PLD5: variants seen among roughly 807,000 people sequenced by gnomAD.
PLD5 encodes the protein phospholipase D family member 5.
PLD5 carries 36 observed loss-of-function variants against 61.1 expected under a neutral mutation model. That is an observed-to-expected ratio of 0.59 (90% confidence interval 0.45 to 0.78). The LOEUF is 0.78. PLD5 is among the 30% of genes least tolerant of loss of function. PLD5 has a pLI of 0.00. For missense variants in PLD5, 515 were observed against 644.4 expected, an observed-to-expected ratio of 0.80 and a Z score of 2.17; for synonymous variants, 243 against 242.8, an observed-to-expected ratio of 1.00 and a Z score of -0.01.
intron 4 of PLD5, among the ~76,000 whole-genome samples, chr1:242,259,946 T>C (rs1432835666): frequency 6.6e-6 from 1 of 152,180 alleles, no homozygotes; most frequent in African/African-American, 2.4e-5. Context: ...ATAAAAATTG[T>C]GTTAGTAATA....
chr1:242,297,402 ACTTTTTTTT>A lies in PLD5; in HGVS notation c.327-8881_327-8873del, dbSNP rs1675739714. On this transcript the variant is annotated intron_variant, in intron 2 of 9. Coordinates refer to ENST00000536534, the MANE Select transcript of PLD5 (RefSeq NM_001372062.1). The stretch of plus-strand genomic sequence containing the variant: ...CCCCCTTTTCCTATCACCCTTCAAG[ACTTTTTTTT>A]TTTTTTTTTTTTTAAGGCAGGGTCT... Among the ~76,000 whole-genome samples, 3 of 129,514 alleles carry A rather than the reference ACTTTTTTTT, an allele frequency of 2.3e-5. No homozygotes were observed. In the Middle Eastern group the frequency reaches 0.013, roughly 553 times the overall value. 85.0% of individuals were successfully genotyped at this position (129,514 alleles called of 152,430 possible).
At chr1:242,095,872 A>G (rs1660180712) in intron 9 of PLD5, among the ~76,000 whole-genome samples, 1 of 152,166 alleles carries the variant, frequency 6.6e-6, no homozygotes, top group Non-Finnish European at 1.5e-5. Context: ...ATTACTCTCC[A>G]TAAGTTGGTG....
intron 5 of PLD5, among the ~76,000 whole-genome samples, chr1:242,126,982 A>C (rs1662838501): frequency 7.2e-6 from 1 of 138,616 alleles, no homozygotes; most frequent in Admixed American, 6.8e-5. Context: ...CCCATAAAAA[A>C]GTAGGCTAAG....
At chr1:242,428,990 C>T (rs1157587094) in intron 1 of PLD5, among the ~76,000 whole-genome samples, 4 of 152,220 alleles carry the variant, frequency 2.6e-5, no homozygotes, top group Admixed American at 2.0e-4. Flanking sequence ...CCGTCCATCT[C>T]CTCTAAAGAT....
At chr1:242,487,079 G>C (rs1333653547) in intron 1 of PLD5, among the ~76,000 whole-genome samples, 1 of 151,352 alleles carries the variant, frequency 6.6e-6, no homozygotes, top group African/African-American at 2.4e-5. Context: ...CAGCAGGGGG[G>C]AGGGATAGCA....
chr1:242,225,521 G>A (rs1670884545), intron 4 of PLD5, among the ~76,000 whole-genome samples: 1 of 142,528 alleles, frequency 7.0e-6, no homozygotes, highest in African/African-American at 2.7e-5. Flanking sequence ...GTGGAACAGT[G>A]GTTTCTCTTT....
At chr1:242,176,223 G>A (rs901240497) in intron 5 of PLD5, among the ~76,000 whole-genome samples, 5 of 152,104 alleles carry the variant, frequency 3.3e-5, no homozygotes, top group Non-Finnish European at 7.4e-5. Context: ...GCATGGTACT[G>A]GTACCAAAAC....
In PLD5 at chr1:242,124,130, G is replaced by A. The variant is rs149338756; in HGVS notation, c.933+338C>T. On this transcript the variant is annotated intron_variant, in intron 6 of 9. Coordinates refer to ENST00000536534, the MANE Select transcript of PLD5 (RefSeq NM_001372062.1). Reference sequence around the variant, plus strand: ...GTCAGAAGAGCTGGGTGCTGGCTCCGCTCTTAGCATGTCCCATCGGATGGG... The same window carrying A: ...GTCAGAAGAGCTGGGTGCTGGCTCCACTCTTAGCATGTCCCATCGGATGGG... Among the ~76,000 whole-genome samples the A allele has an allele frequency of 7.2e-5, 11 of 152,298 alleles. No homozygotes were observed. In the East Asian group the frequency reaches 7.7e-4, roughly 11 times the overall value.
chr1:242,524,128 C>T lies in PLD5; in HGVS notation c.149G>A (p.Ser50Asn). 2 of 1,535,456 alleles carry T rather than the reference C, an allele frequency of 1.3e-6. No homozygotes were observed. The highest frequency in any genetic ancestry group is 1.7e-6 in the Non-Finnish European group (2 of 1,146,510). Reference sequence around the variant, plus strand: ...TTTCCTCCGAAGCCAGACGCTGGCGCTGTAGTCCTGCTGCTTGACGCTGCT... The same window carrying T: ...TTTCCTCCGAAGCCAGACGCTGGCGTTGTAGTCCTGCTGCTTGACGCTGCT... ...FYSSVKQQDY[S>N]ASVWLRRKDK... Residue 50 changes from serine (S) to asparagine (N), a missense_variant, in exon 1 of 10, where the codon AGC becomes AAC. Physicochemically the swap from Ser to Asn is conservative, Grantham distance 46. Coordinates refer to ENST00000536534, the MANE Select transcript of PLD5 (RefSeq NM_001372062.1).
At chr1:242,395,569 G>A (rs1663522709) in intron 1 of PLD5, among the ~76,000 whole-genome samples, 1 of 152,128 alleles carries the variant, frequency 6.6e-6, no homozygotes, top group Admixed American at 6.6e-5. Flanking sequence ...ACTAACTATT[G>A]GAGATATTGC....
chr1:242,501,366 T>C (rs1330017260), intron 1 of PLD5, among the ~76,000 whole-genome samples: 1 of 152,208 alleles, frequency 6.6e-6, no homozygotes, highest in Non-Finnish European at 1.5e-5. Context: ...CAGGACACAC[T>C]TCTCCTCTGT....
At chr1:242,307,560 GT>G (rs1420335426) in intron 2 of PLD5, among the ~76,000 whole-genome samples, 1 of 152,128 alleles carries the variant, frequency 6.6e-6, no homozygotes, top group Non-Finnish European at 1.5e-5. Context: ...AGCAGAACCA[GT>G]TTTTAAATCT....
intron 1 of PLD5, among the ~76,000 whole-genome samples, chr1:242,471,331 A>T (rs980464632): frequency 4.6e-5 from 7 of 152,052 alleles, no homozygotes; most frequent in African/African-American, 1.7e-4. Flanking sequence ...TTCTCCTTCC[A>T]TTTTACAAGA....
intron 1 of PLD5, among the ~76,000 whole-genome samples, chr1:242,381,844 A>T (rs1662295837): frequency 6.6e-6 from 1 of 152,212 alleles, no homozygotes; most frequent in Non-Finnish European, 1.5e-5. Flanking sequence ...AAGGGTGCTT[A>T]AACTTTTCAG....
intron 5 of PLD5, among the ~76,000 whole-genome samples, chr1:242,129,978 C>A (rs113699691): frequency 6.6e-6 from 1 of 151,760 alleles, no homozygotes; most frequent in Non-Finnish European, 1.5e-5. Flanking sequence ...TGATTTCATT[C>A]TTTTTTGTGG....
chr1:242,395,007 A>ATGTATATG (rs1491577612), intron 1 of PLD5, among the ~76,000 whole-genome samples: 5 of 98,590 alleles, frequency 5.1e-5, no homozygotes, highest in Non-Finnish European at 8.0e-5. Flanking sequence ...GTATATATGA[A>ATGTATATG]TATATATGAA....
rs543445266 is a variant in PLD5, at chr1:242,279,115, G to A, written c.495+9247C>T. ...GGATAAATACGATGTGGGTCCTAGA[G>A]TCCAGGGCTATGTGGAATATCCAAG... On this transcript the variant is annotated intron_variant, in intron 3 of 9. Transcript: ENST00000536534. Among the ~76,000 whole-genome samples the A allele has an allele frequency of 3.9e-5, 6 of 152,350 alleles. No individual in the cohort carries two copies. In the South Asian group the frequency reaches 1.2e-3, roughly 32 times the overall value.
intron 4 of PLD5, among the ~76,000 whole-genome samples, chr1:242,264,913 G>A (rs1426925166): frequency 6.6e-6 from 1 of 152,148 alleles, no homozygotes; most frequent in African/African-American, 2.4e-5. Flanking sequence ...ATCAGGCAAT[G>A]TTTCATAGAC....
At chr1:242,187,775 G>A (rs1325559447) in intron 5 of PLD5, among the ~76,000 whole-genome samples, 1 of 152,106 alleles carries the variant, frequency 6.6e-6, no homozygotes, top group Non-Finnish European at 1.5e-5. Flanking sequence ...AGTATGAGAG[G>A]GGAAAGAATT....
Sources: allele counts gnomAD v4.1 joint callset (sites outside exome capture counted in the v4.1 genomes callset), GRCh38; gene constraint gnomAD v4.1.1; transcripts MANE v1.5; gene names NCBI Gene and HGNC (gene_info 2026-07-23, HGNC 2026-07-21).